ASIP: variants seen among roughly 807,000 people sequenced by gnomAD.
ASIP encodes the protein agouti signaling protein, also known as agouti-signaling protein.
A neutral mutation model predicts 10.3 loss-of-function variants in ASIP; 11 were observed. The ratio of observed to expected loss-of-function variants is 1.07; its 90% CI spans 0.68 to 1.78. The LOEUF (loss-of-function observed/expected upper bound fraction) is 1.78. ASIP is among the 40% of genes most tolerant of loss of function. ASIP has a pLI of 0.00. For missense variants in ASIP, 180 were observed against 169.2 expected (o/e 1.06, Z -0.35); for synonymous variants, 70 against 70.8 (o/e 0.99, Z 0.06).
chr20:34,222,220 C>T (rs1343621833), intron 1 of ASIP, among the ~76,000 whole-genome samples: 1 of 151,892 alleles, frequency 6.6e-6, no homozygotes, highest in Non-Finnish European at 1.5e-5. Flanking sequence ...CCAGTTACAG[C>T]TCATAGAACC....
chr20:34,235,217 A>G (rs970961515), intron 1 of ASIP, among the ~76,000 whole-genome samples: 1 of 152,208 alleles, frequency 6.6e-6, no homozygotes, highest in Non-Finnish European at 1.5e-5. Flanking sequence ...CGAGGTGGGC[A>G]GATCATGAAG....
At chr20:34,190,643 T>G (rs569648978), upstream of ASIP, among the ~76,000 whole-genome samples, 2 of 152,344 alleles carry the variant, frequency 1.3e-5, no homozygotes, top group South Asian at 4.1e-4. Context: ...TAAGGCTTCC[T>G]CTTCCTTCGG....
chr20:34,219,828 G>A (rs777111370), intron 1 of ASIP, among the ~76,000 whole-genome samples: 58 of 152,302 alleles, frequency 3.8e-4, no homozygotes, highest in Non-Finnish European at 6.6e-4. Context: ...GGTGGCTCAC[G>A]CCTGTAATCC....
upstream of ASIP, among the ~76,000 whole-genome samples, chr20:34,239,213 C>T (rs993707583): frequency 1.3e-5 from 2 of 152,016 alleles, no homozygotes; most frequent in African/African-American, 4.8e-5. Context: ...TCCTCTTCTC[C>T]TCCCAACCCC....
At chr20:34,239,690 T>C (rs1286924973), upstream of ASIP, among the ~76,000 whole-genome samples, 1 of 152,224 alleles carries the variant, frequency 6.6e-6, no homozygotes, top group Non-Finnish European at 1.5e-5. Flanking sequence ...TAACAAAGCC[T>C]AAACTGGAAT....
In ASIP at chr20:34,258,690, T is replaced by TATATATATATATATATATATATATATAC. The variant is rs1250992566; in HGVS notation, c.-10-1674_-10-1673insTATATATATATATATATATATATATACA. ...GGGGGATGCCATATATATATATATATACATACTATATATATATATTATATA... is the reference window on the plus strand; with the variant it reads ...GGGGGATGCCATATATATATATATATATATATATATATATATATATATATATACACATACTATATATATATATTATATA... On this transcript the variant is annotated intron_variant, in intron 1 of 3. Transcript: ENST00000374954. Among the ~76,000 whole-genome samples, 82 of 72,294 alleles carry TATATATATATATATATATATATATATAC rather than the reference T, an allele frequency of 1.1e-3. 5 individuals are homozygous for TATATATATATATATATATATATATATAC. The highest frequency in any genetic ancestry group is 2.0e-3 in the South Asian group (5 of 2,464). The allele number at this position is 72,294 out of a possible 152,430, so 47.4% of individuals were successfully genotyped here.
intron 1 of ASIP, among the ~76,000 whole-genome samples, chr20:34,220,953 CTTTTTTTT>C (rs10661983): frequency 3.6e-5 from 4 of 109,758 alleles, no homozygotes; most frequent in Admixed American, 3.0e-4. Flanking sequence ...TTCTTTCCTT[CTTTTTTTT>C]TTTTTTTTTT....
intron 1 of ASIP, among the ~76,000 whole-genome samples, chr20:34,211,965 A>G (rs779152616): frequency 2.6e-4 from 39 of 152,244 alleles, no homozygotes; most frequent in Admixed American, 4.6e-4. Context: ...CATTCTCAGT[A>G]ATTATCTTCT....
At chr20:34,208,314 T>A (rs528795392) in intron 1 of ASIP, among the ~76,000 whole-genome samples, 1 of 152,240 alleles carries the variant, frequency 6.6e-6, no homozygotes, top group Admixed American at 6.5e-5. Flanking sequence ...TTAGGACTTT[T>A]AAAAATATTT....
intron 1 of ASIP, among the ~76,000 whole-genome samples, chr20:34,244,603 C>T (rs2035339084): frequency 6.6e-6 from 1 of 152,202 alleles, no homozygotes; most frequent in Non-Finnish European, 1.5e-5. Flanking sequence ...TCATTTGTAA[C>T]ATTTGCAATT....
intron 1 of ASIP, among the ~76,000 whole-genome samples, chr20:34,202,100 G>GTGC (rs1300933265): frequency 2.0e-5 from 3 of 150,378 alleles, no homozygotes; most frequent in Non-Finnish European, 1.5e-5. Flanking sequence ...AAAAAGATTA[G>GTGC]TGCCTTTTTA....
In ASIP at chr20:34,262,873, G is replaced by T; in HGVS notation, c.202G>T (p.Glu68Ter). 1.2e-6 allele frequency: 2 copies of T among 1,614,030 alleles called. No homozygotes were observed. Among genetic ancestry groups the T allele is most frequent in the African/African-American group, 2.7e-5 (2 of 75,034 alleles). ...KSKQIGRKAA[E>*]KKRSSKKEAS... is the part of the protein sequence containing the mutation. ...CAAACAGATCGGCAGAAAAGCAGCAGAAAAGAAAAGATCTTCTAAGGTAAG... is the reference window on the plus strand; with the variant it reads ...CAAACAGATCGGCAGAAAAGCAGCATAAAAGAAAAGATCTTCTAAGGTAAG... The change falls in exon 3 of 4, where the codon GAA (glutamate) becomes TAA (stop). Residue 68 changes from glutamate to a stop codon, truncating the protein, a stop_gained. Transcript: ENST00000374954. LOFTEE classifies it high-confidence loss of function.
chr20:34,203,131 T>C (rs950313534), intron 1 of ASIP, among the ~76,000 whole-genome samples: 1 of 151,954 alleles, frequency 6.6e-6, no homozygotes, highest in Non-Finnish European at 1.5e-5. Context: ...CCACATAAAC[T>C]TTAGGATAAC....
At chr20:34,255,005 C>T (rs577442621) in intron 1 of ASIP, among the ~76,000 whole-genome samples, 1 of 152,182 alleles carries the variant, frequency 6.6e-6, no homozygotes, top group Non-Finnish European at 1.5e-5. Flanking sequence ...ATTCACTTTT[C>T]CTGAGTTAGG....
chr20:34,263,312 C>G (rs1416726314), intron 3 of ASIP, among the ~76,000 whole-genome samples: 2 of 152,196 alleles, frequency 1.3e-5, no homozygotes, highest in Admixed American at 1.3e-4. Flanking sequence ...CGCCTATAAT[C>G]CCAGCACTTT....
At chr20:34,203,088 G>A (rs978713735) in intron 1 of ASIP, among the ~76,000 whole-genome samples, 9 of 151,624 alleles carry the variant, frequency 5.9e-5, no homozygotes, top group African/African-American at 1.5e-4. Flanking sequence ...GATTACAGGC[G>A]TGAGCCTTGG....
chr20:34,214,337 A>G, intron 1 of ASIP: 1 of 1,310,062 alleles, frequency 7.6e-7, no homozygotes, highest in Non-Finnish European at 1.1e-6. Context: ...AAAACTTTTC[A>G]TATCTAACAA....
At chr20:34,258,685 A>ATATATATACACTATATATATG (rs1336922136) in intron 1 of ASIP, among the ~76,000 whole-genome samples, 1 of 74,492 alleles carries the variant, frequency 1.3e-5, no homozygotes, top group African/African-American at 8.7e-5. Flanking sequence ...ATATATATAT[A>ATATATATACACTATATATATG]TATATACATA....
chr20:34,265,251 G>A (rs1051751919), intron 3 of ASIP, among the ~76,000 whole-genome samples: 11 of 151,998 alleles, frequency 7.2e-5, no homozygotes, highest in Admixed American at 3.3e-4. Flanking sequence ...GGCCAGGCAC[G>A]GTGGCTCACA....
Sources: allele counts gnomAD v4.1 joint callset (sites outside exome capture counted in the v4.1 genomes callset), GRCh38; gene constraint gnomAD v4.1.1; transcripts MANE v1.5; gene names NCBI Gene and HGNC (gene_info 2026-07-23, HGNC 2026-07-21).